DNAH8: variants seen among roughly 807,000 people sequenced by gnomAD.
DNAH8 encodes the protein axonemal beta dynein heavy chain 8.
Under a neutral mutation model 562.1 loss-of-function variants are expected in DNAH8, and 382 were observed. The observed-to-expected ratio is 0.68, with a 90% confidence interval of 0.63 to 0.74. DNAH8 has a LOEUF of 0.74. Ranked by LOEUF, DNAH8 falls within the 30% of genes least tolerant of loss-of-function variation. The pLI is 0.00. For synonymous variants in DNAH8, 1,881 were observed against 1,919.4 expected, an observed-to-expected ratio of 0.98 and a Z score of 0.52; for missense variants, 5,203 against 5,620.4, an observed-to-expected ratio of 0.93 and a Z score of 2.37.
In DNAH8 at chr6:38,722,932, C is replaced by G. The variant is rs1182016547; in HGVS notation, c.123C>G (p.Ala41=). The change falls in exon 2 of 93, where the codon GCC becomes GCG. Residue 41 remains alanine, a synonymous_variant. Coordinates refer to ENST00000327475, the MANE Select transcript of DNAH8 (RefSeq NM_001206927.2). The stretch of plus-strand genomic sequence containing the variant: ...CCCCGCGCCCTCCGACAGTGGAGGC[C>G]CCGGCAGAAGATGGTTTCTCTCCTT... ...EEAPRPPTVE[A]PAEDGFSPSA... The G allele has an allele frequency of 1.2e-6, 2 of 1,612,382 alleles. No homozygotes were observed. Among genetic ancestry groups the G allele is most frequent in the Non-Finnish European group, 8.5e-7 (1 of 1,179,678 alleles).
chr6:38,815,401 G>A lies in DNAH8; in HGVS notation c.3334-67G>A, dbSNP rs56093987. ...TTGCCCCACTCAGTGGGGAATGGAG[G>A]TGGTGAAAATTGAGGGATGGACTGT... On this transcript the variant is annotated intron_variant, in intron 25 of 92. Transcript: ENST00000327475. The A allele has an allele frequency of 0.19, 237,178 of 1,280,440 alleles. 24,321 individuals are homozygous for A. Among genetic ancestry groups the A allele is most frequent in the Non-Finnish European group, 0.21 (189,196 of 899,468 alleles). The allele number at this position is 1,280,440 out of a possible 1,614,324, so 79.3% of individuals were successfully genotyped here.
At chr6:39,017,951 G>A (rs1464716299) in intron 91 of DNAH8, among the ~76,000 whole-genome samples, 2 of 152,128 alleles carry the variant, frequency 1.3e-5, no homozygotes, top group African/African-American at 4.8e-5. Flanking sequence ...CTTTAAGATT[G>A]GAAGGGACTT....
At chr6:38,779,561 T>C (rs1768387172) in intron 14 of DNAH8, among the ~76,000 whole-genome samples, 1 of 152,236 alleles carries the variant, frequency 6.6e-6, no homozygotes, top group African/African-American at 2.4e-5. Context: ...TATGGAATTA[T>C]ATGGAATTAA....
chr6:38,769,207 GC>G (rs772167035), intron 11 of DNAH8, among the ~76,000 whole-genome samples: 1 of 152,138 alleles, frequency 6.6e-6, no homozygotes, highest in Non-Finnish European at 1.5e-5. Flanking sequence ...GTTATTCAGA[GC>G]CAACTCATTT....
At chr6:38,884,771 A>G (rs1169270876) in intron 56 of DNAH8, among the ~76,000 whole-genome samples, 1 of 152,122 alleles carries the variant, frequency 6.6e-6, no homozygotes, top group Non-Finnish European at 1.5e-5. Flanking sequence ...AAAATGAAAA[A>G]CCAAACAACT....
chr6:38,814,155 A>T lies in DNAH8; in HGVS notation c.3333+26A>T, dbSNP rs1738221. ...GTAAGTATTATTAAATACACTGATA[A>T]TTTGATAAGGTGCTTAAGAAGTATA... On this transcript the variant is annotated intron_variant, in intron 25 of 92. Transcript: ENST00000327475. The T allele has an allele frequency of 0.42, 544,188 of 1,283,296 alleles. 120,994 individuals carry two copies. The highest frequency in any genetic ancestry group is 0.78 in the East Asian group (33,065 of 42,338). 79.5% of individuals were successfully genotyped at this position (1,283,296 alleles called of 1,614,324 possible). A position where few individuals can be genotyped will look rare whatever the true frequency, so the allele number is the denominator to read the frequency against.
intron 91 of DNAH8, among the ~76,000 whole-genome samples, chr6:39,013,935 A>T (rs1766398720): frequency 6.6e-6 from 1 of 152,126 alleles, no homozygotes. Flanking sequence ...TCACTTCTAG[A>T]TCTGGATACT....
chr6:38,723,243 T>G, intron 2 of DNAH8, 44 bp downstream of exon 2: 1 of 1,578,916 alleles, frequency 6.3e-7, no homozygotes, highest in Non-Finnish European at 8.6e-7. Context: ...CTTTTCCTTA[T>G]CAAATACGAA....
rs1006683696 is a variant in DNAH8, at chr6:38,870,384, A to G, written c.6829-17A>G. The G allele has an allele frequency of 6.2e-7, 1 of 1,606,782 alleles. No homozygotes were observed. The highest frequency in any genetic ancestry group is 8.5e-7 in the Non-Finnish European group (1 of 1,175,262). Reference sequence around the variant, plus strand: ...TTGACTGAATGAGTAAATTTATTTTAAACTATGCCACCTTAGGTTGATGAA... The same window carrying G: ...TTGACTGAATGAGTAAATTTATTTTGAACTATGCCACCTTAGGTTGATGAA... On this transcript the variant is annotated splice_polypyrimidine_tract_variant and intron_variant, in intron 48 of 92. Coordinates refer to ENST00000327475, the MANE Select transcript of DNAH8 (RefSeq NM_001206927.2).
intron 8 of DNAH8, among the ~76,000 whole-genome samples, chr6:38,748,737 G>A (rs528362548): frequency 6.9e-6 from 1 of 145,462 alleles, no homozygotes; most frequent in African/African-American, 2.5e-5. Flanking sequence ...CTGGGTGACA[G>A]AGCAAGACTC....
chr6:38,834,413 C>G lies in DNAH8; in HGVS notation c.4303-166C>G, dbSNP rs76844716. Among the ~76,000 whole-genome samples, 1,562 of 152,000 alleles carry G rather than the reference C, an allele frequency of 0.01. 90 individuals are homozygous for G. The East Asian group carries it at 0.15, about 14-fold the overall frequency. On this transcript the variant is annotated intron_variant, in intron 31 of 92. Coordinates refer to ENST00000327475, the MANE Select transcript of DNAH8 (RefSeq NM_001206927.2). ...ATTGTATAGTATGTGAATTCCATCTCAATAAAGCTGTTAGAAATAAATAAA... is the reference window on the plus strand; with the variant it reads ...ATTGTATAGTATGTGAATTCCATCTGAATAAAGCTGTTAGAAATAAATAAA...
chr6:38,840,893 G>A (rs894712864), intron 33 of DNAH8, among the ~76,000 whole-genome samples: 3 of 152,080 alleles, frequency 2.0e-5, no homozygotes, highest in African/African-American at 7.2e-5. Flanking sequence ...AAGCCTGGAG[G>A]ATGATGCAGT....
chr6:38,842,285 G>T (rs2150371242), intron 33 of DNAH8, 83 bp from the exon 34 acceptor site: 2 of 1,114,310 alleles, frequency 1.8e-6, no homozygotes, highest in Non-Finnish European at 2.6e-6. Flanking sequence ...TGAAATATTT[G>T]ATTGGATGAA....
chr6:38,804,759 A>AAGAGAGAGAGAGAGAG (rs137967997), intron 22 of DNAH8, among the ~76,000 whole-genome samples: 2 of 111,174 alleles, frequency 1.8e-5, no homozygotes, highest in Admixed American at 9.1e-5. Flanking sequence ...ACATAGCAAG[A>AAGAGAGAGAGAGAGAG]AGAGAGAGAG....
In DNAH8 at chr6:38,722,993, C is replaced by T. The variant is rs778505007; in HGVS notation, c.184C>T (p.Arg62Trp). Residue 62 changes from arginine to tryptophan, a missense_variant, in exon 2 of 93, where the codon CGG becomes TGG. Around this residue, in one of 6 missense-constraint regions of DNAH8, gnomAD observed 556 missense variants for 496.9 expected, o/e 1.12. Transcript: ENST00000327475. ...EDAVSSVVDYRDLIPSEEGIV... is the reference protein window; with the variant it reads ...EDAVSSVVDYWDLIPSEEGIV... ...TGCTGTTTCTTCTGTGGTGGATTATCGGGATCTCATTCCTTCTGAAGAAGG... is the reference window on the plus strand; with the variant it reads ...TGCTGTTTCTTCTGTGGTGGATTATTGGGATCTCATTCCTTCTGAAGAAGG... 2 of 1,612,556 alleles carry T rather than the reference C, an allele frequency of 1.2e-6. No individual in the cohort carries two copies. The highest frequency in any genetic ancestry group is 2.7e-5 in the African/African-American group (2 of 74,898).
At chr6:38,896,264 C>A in intron 60 of DNAH8, 39 bp downstream of exon 60, 1 of 1,503,968 alleles carries the variant, frequency 6.6e-7, no homozygotes, top group Non-Finnish European at 9.2e-7. Flanking sequence ...TTTCAGATTG[C>A]TCACCTGACT....
At chr6:38,781,614 C>T (rs887748229) in intron 16 of DNAH8, among the ~76,000 whole-genome samples, 4 of 151,974 alleles carry the variant, frequency 2.6e-5, no homozygotes, top group Non-Finnish European at 5.9e-5. Flanking sequence ...AATTTTATGT[C>T]TTTTAATAAC....
At position 38,783,141 on chromosome 6, in the gene DNAH8, T is replaced by C; in HGVS notation, c.2395+2T>C. On this transcript the variant is annotated splice_donor_variant, in intron 17 of 92. Coordinates refer to ENST00000327475, the MANE Select transcript of DNAH8 (RefSeq NM_001206927.2). LOFTEE classifies it high-confidence loss of function. ...GAGAGATTTCACAGTTGCATTACGG[T>C]GTGTATAACACTGCCATGAGCCTAC... 6.2e-7 allele frequency: 1 copy of C among 1,613,760 alleles called. No homozygotes were observed. The highest frequency in any genetic ancestry group is 8.5e-7 in the Non-Finnish European group (1 of 1,179,800).
At chr6:38,732,937 G>C (rs550239390) in intron 4 of DNAH8, among the ~76,000 whole-genome samples, 17 of 152,110 alleles carry the variant, frequency 1.1e-4, no homozygotes, top group Admixed American at 9.8e-4. Context: ...TGCCCAGGCT[G>C]GAGTGCAGTG....
Sources: allele counts gnomAD v4.1 joint callset (sites outside exome capture counted in the v4.1 genomes callset), GRCh38; gene constraint gnomAD v4.1.1; regional missense constraint gnomAD v4.1.1; transcripts MANE v1.5; gene names NCBI Gene and HGNC (gene_info 2026-07-23, HGNC 2026-07-21).